Variants in FSHR observed in about 807,000 individuals in gnomAD.
The protein encoded by FSHR is follicle-stimulating hormone receptor.
In FSHR, 46 loss-of-function variants were observed where a neutral mutation model predicts 52.1. That is an observed-to-expected ratio of 0.88 (90% CI 0.70 to 1.13). The LOEUF (loss-of-function observed/expected upper bound fraction) is 1.13. Ranked by LOEUF, FSHR falls within the 50% of genes most tolerant of loss-of-function variation. The pLI is 0.00. For missense variants in FSHR, 964 were observed against 834.6 expected (o/e 1.16, Z -1.91); for synonymous variants, 399 against 309.6 (o/e 1.29, Z -3.03).
At chr2:49,141,119 A>G (rs1327885698) in intron 1 of FSHR, among the ~76,000 whole-genome samples, 1 of 152,304 alleles carries the variant, frequency 6.6e-6, no homozygotes, top group South Asian at 2.1e-4. Context: ...GCTTCTGATT[A>G]CTTTGTAATT....
chr2:48,988,886 C>A, intron 6 of FSHR, 91 bp downstream of exon 6: 1 of 1,065,732 alleles, frequency 9.4e-7, no homozygotes, highest in East Asian at 2.5e-5. Flanking sequence ...CCAAAGTTAC[C>A]CAAACAAAAA....
chr2:49,067,730 C>T (rs911404662), intron 2 of FSHR, among the ~76,000 whole-genome samples: 6 of 152,088 alleles, frequency 3.9e-5, no homozygotes, highest in African/African-American at 7.2e-5. Context: ...CAAAGGAAAT[C>T]TTAATCAGTG....
In FSHR at chr2:48,994,043, G is replaced by A. The variant is rs541773360; in HGVS notation, c.375-3406C>T. On this transcript the variant is annotated intron_variant, in intron 4 of 9. Coordinates refer to ENST00000406846, the MANE Select transcript of FSHR (RefSeq NM_000145.4). ...TCAACCAGATTGTGAATCATATGAG[G>A]GCAAGATTCATGTTTTCCCTGAAAA... Among the ~76,000 whole-genome samples the A allele has an allele frequency of 5.3e-5, 8 of 152,172 alleles. No homozygotes were observed. The South Asian group carries it at 1.7e-3, about 32-fold the overall frequency.
intron 8 of FSHR, among the ~76,000 whole-genome samples, chr2:48,972,861 C>T (rs1472136089): frequency 1.3e-5 from 2 of 152,152 alleles, no homozygotes; most frequent in African/African-American, 2.4e-5. Context: ...CTTGAGTTTA[C>T]AGTATAAAAA....
intron 1 of FSHR, among the ~76,000 whole-genome samples, chr2:49,087,026 C>T (rs1670420141): frequency 1.4e-5 from 2 of 144,054 alleles, no homozygotes; most frequent in Admixed American, 7.1e-5. Context: ...AAAGAGCCAG[C>T]AGCAAGTTGC....
chr2:49,142,669 A>T lies in FSHR; in HGVS notation c.152+11597T>A, dbSNP rs1301987960. On this transcript the variant is annotated intron_variant, in intron 1 of 9. Coordinates refer to ENST00000406846, the MANE Select transcript of FSHR (RefSeq NM_000145.4). ...TTTGAAATGCCTCTAGCTGCTGCATAGGGGATAGACTGTTAATTCAAGTGA... is the reference window on the plus strand; with the variant it reads ...TTTGAAATGCCTCTAGCTGCTGCATTGGGGATAGACTGTTAATTCAAGTGA... Among the ~76,000 whole-genome samples the T allele has an allele frequency of 6.6e-5, 10 of 152,192 alleles. 1 individual carries two copies. The South Asian group carries it at 1.7e-3, about 25-fold the overall frequency.
chr2:49,093,593 A>G (rs1162044403), intron 1 of FSHR, among the ~76,000 whole-genome samples: 1 of 130,302 alleles, frequency 7.7e-6, no homozygotes, highest in Non-Finnish European at 1.7e-5. Context: ...CATTATATTT[A>G]TCTTTTTTTT....
chr2:49,101,530 C>A (rs1671026250), intron 1 of FSHR, among the ~76,000 whole-genome samples: 2 of 152,018 alleles, frequency 1.3e-5, no homozygotes, highest in African/African-American at 2.4e-5. Flanking sequence ...TGTCAAAGGG[C>A]ACAATTTTCT....
chr2:49,115,431 T>C (rs185564099), intron 1 of FSHR, among the ~76,000 whole-genome samples: 2 of 152,314 alleles, frequency 1.3e-5, no homozygotes, highest in Admixed American at 6.5e-5. Context: ...AGTGTGGTCA[T>C]GATTTTTATA....
At chr2:49,137,942 AT>A (rs1216398714) in intron 1 of FSHR, among the ~76,000 whole-genome samples, 2 of 152,186 alleles carry the variant, frequency 1.3e-5, no homozygotes, top group East Asian at 3.8e-4. Flanking sequence ...GAATAAAAAA[AT>A]ACTTTGAATG....
chr2:49,036,189 G>T (rs563177739), intron 2 of FSHR, among the ~76,000 whole-genome samples: 3 of 152,160 alleles, frequency 2.0e-5, no homozygotes, highest in East Asian at 3.9e-4. Flanking sequence ...CACTCCCATT[G>T]GAAACATGTA....
chr2:49,074,889 C>G (rs1401053574), intron 1 of FSHR, among the ~76,000 whole-genome samples: 1 of 152,132 alleles, frequency 6.6e-6, no homozygotes, highest in African/African-American at 2.4e-5. Context: ...TTTGCAGCAA[C>G]ATGGGTGGAA....
At chr2:49,008,105 C>T (rs1289471460) in intron 4 of FSHR, among the ~76,000 whole-genome samples, 1 of 148,644 alleles carries the variant, frequency 6.7e-6, no homozygotes, top group Non-Finnish European at 1.5e-5. Context: ...TATACATGTG[C>T]CATGCTGGTG....
intron 1 of FSHR, among the ~76,000 whole-genome samples, chr2:49,097,972 G>A (rs1163871820): frequency 3.3e-5 from 5 of 151,672 alleles, no homozygotes; most frequent in Non-Finnish European, 7.4e-5. Flanking sequence ...AAAATATTTG[G>A]TATCTACCAT....
At chr2:49,088,979 G>T (rs1324855889) in intron 1 of FSHR, among the ~76,000 whole-genome samples, 2 of 151,934 alleles carry the variant, frequency 1.3e-5, no homozygotes, top group Non-Finnish European at 2.9e-5. Flanking sequence ...TGCAAATGTC[G>T]AACGTTCAAA....
chr2:49,124,541 C>G (rs1004086755), intron 1 of FSHR, among the ~76,000 whole-genome samples: 1 of 152,090 alleles, frequency 6.6e-6, no homozygotes, highest in African/African-American at 2.4e-5. Context: ...ACCTGGGAAA[C>G]TGTAGCTCCA....
chr2:49,071,473 A>G (rs1337925347), intron 1 of FSHR, among the ~76,000 whole-genome samples: 1 of 152,218 alleles, frequency 6.6e-6, no homozygotes, highest in Non-Finnish European at 1.5e-5. Flanking sequence ...TTCTGAACAA[A>G]TTTAATTAGC....
At position 48,963,074 on chromosome 2, in the gene FSHR, G is replaced by A. The variant is rs769427769; in HGVS notation, c.1747C>T (p.Leu583Phe). Reference sequence around the variant, plus strand: ...AAGAAAGAAATGGGTGCCATGCAGAGGAAGTCAGTGAAGATGAGCATGGCC... The same window carrying A: ...AAGAAAGAAATGGGTGCCATGCAGAAGAAGTCAGTGAAGATGAGCATGGCC... ...RMAMLIFTDFLCMAPISFFAI... is the reference protein window; with the variant it reads ...RMAMLIFTDFFCMAPISFFAI... The change falls in exon 10 of 10, where the codon CTC becomes TTC. Residue 583 changes from leucine (L) to phenylalanine (F), a missense_variant. Transcript: ENST00000406846. 1.1e-5 allele frequency: 17 copies of A among 1,614,000 alleles called. No homozygotes were observed. The highest frequency in any genetic ancestry group is 4.2e-6 in the Non-Finnish European group (5 of 1,180,020).
intron 1 of FSHR, among the ~76,000 whole-genome samples, chr2:49,073,909 G>A (rs1160422116): frequency 6.6e-6 from 1 of 151,974 alleles, no homozygotes; most frequent in Non-Finnish European, 1.5e-5. Flanking sequence ...ACTAATTTTT[G>A]ACAAAGGTGT....
Sources: gnomAD v4.1 joint callset for allele counts (sites outside exome capture counted in the v4.1 genomes callset) on GRCh38, gnomAD v4.1.1 for gene constraint, MANE v1.5 for transcripts, NCBI Gene and HGNC (gene_info 2026-07-23, HGNC 2026-07-21) for gene names.